B3GAT2: variants seen among roughly 807,000 people sequenced by gnomAD.
The protein encoded by B3GAT2 is beta-1,3-glucuronyltransferase 2.
B3GAT2 carries 26 observed loss-of-function variants against 27.8 expected under a neutral mutation model. That is an observed-to-expected ratio of 0.93 (90% CI 0.68 to 1.30). The LOEUF (loss-of-function observed/expected upper bound fraction) is 1.30, where lower values mean the gene tolerates loss of function less well. Ranked by LOEUF, B3GAT2 falls within the 50% of genes most tolerant of loss-of-function variation. The pLI is 0.00. For missense variants in B3GAT2, 458 were observed against 459.0 expected, an observed-to-expected ratio of 1.00 and a Z score of 0.02; for synonymous variants, 218 against 195.1, an observed-to-expected ratio of 1.12 and a Z score of -0.98.
intron 2 of B3GAT2, among the ~76,000 whole-genome samples, chr6:70,885,566 AGCACAGGT>A (rs1431769810): frequency 6.6e-6 from 1 of 152,106 alleles, no homozygotes; most frequent in Admixed American, 6.5e-5. Flanking sequence ...AATGATAATG[AGCACAGGT>A]CCACCCGCCA....
In B3GAT2 at chr6:70,856,837, C is replaced by T. The variant is rs1771445469; in HGVS notation, c.*4826G>A. 5.7e-6 allele frequency: 9 copies of T among 1,577,394 alleles called. No individual in the cohort carries two copies. The highest frequency in any genetic ancestry group is 6.0e-6 in the Non-Finnish European group (7 of 1,161,732). ...CGCTTTACTATGCAGAATTTGATAG[C>T]TTATTTTGGTGTTTGTCTCAGGGGA... On this transcript the variant is annotated 3_prime_UTR_variant, in exon 4 of 4. Transcript: ENST00000230053.
chr6:70,900,925 T>C (rs965584570), intron 1 of B3GAT2, among the ~76,000 whole-genome samples: 4 of 152,200 alleles, frequency 2.6e-5, no homozygotes, highest in African/African-American at 9.6e-5. Flanking sequence ...CTGTATCCTG[T>C]TTTTTTAAAC....
intron 1 of B3GAT2, among the ~76,000 whole-genome samples, chr6:70,908,789 A>T (rs1033958805): frequency 1.3e-5 from 2 of 152,192 alleles, no homozygotes; most frequent in Non-Finnish European, 2.9e-5. Context: ...GCAGGATAAA[A>T]TCTTATCTCT....
intron 1 of B3GAT2, among the ~76,000 whole-genome samples, chr6:70,946,759 C>T (rs972831433): frequency 6.6e-6 from 1 of 151,956 alleles, no homozygotes; most frequent in Non-Finnish European, 1.5e-5. Context: ...ACTCTCCACC[C>T]CAAATCAACA....
Position 70,873,945 on chromosome 6 carries a change from C to T in B3GAT2, c.737-11967G>A, listed in dbSNP as rs954502745. 3.8e-4 allele frequency among the ~76,000 whole-genome samples: 58 copies of T among 152,086 alleles called. 1 individual carries two copies. The highest frequency in any genetic ancestry group is 1.4e-3 in the African/African-American group (58 of 41,538). Reference sequence around the variant, plus strand: ...TTATTGATCTCTATTTGTGAGACATCATTCTCCCATTTTTCTTTAGCTATT... The same window carrying T: ...TTATTGATCTCTATTTGTGAGACATTATTCTCCCATTTTTCTTTAGCTATT... On this transcript the variant is annotated intron_variant, in intron 2 of 3. Transcript: ENST00000230053.
chr6:70,924,883 T>C (rs951323062), intron 1 of B3GAT2, among the ~76,000 whole-genome samples: 8 of 152,224 alleles, frequency 5.3e-5, no homozygotes, highest in African/African-American at 1.9e-4. Flanking sequence ...TACCAGTCAT[T>C]ATTCTGCAAA....
intron 2 of B3GAT2, among the ~76,000 whole-genome samples, chr6:70,885,281 C>T (rs1418433307): frequency 6.6e-6 from 1 of 152,052 alleles, no homozygotes; most frequent in Non-Finnish European, 1.5e-5. Context: ...ATAGACTCAC[C>T]TACAGGGGCA....
chr6:70,946,429 T>C (rs111604339), intron 1 of B3GAT2, among the ~76,000 whole-genome samples: 5 of 151,846 alleles, frequency 3.3e-5, no homozygotes, highest in African/African-American at 1.2e-4. Flanking sequence ...GGGGTTGCAA[T>C]CCTAGTCTCT....
At chr6:70,948,074 C>T (rs1012639261) in intron 1 of B3GAT2, among the ~76,000 whole-genome samples, 29 of 151,426 alleles carry the variant, frequency 1.9e-4, no homozygotes, top group African/African-American at 4.9e-4. Context: ...ATTGATGGGA[C>T]GTATCTCAAA....
At chr6:70,925,727 T>A (rs1219071334) in intron 1 of B3GAT2, among the ~76,000 whole-genome samples, 1 of 152,178 alleles carries the variant, frequency 6.6e-6, no homozygotes, top group African/African-American at 2.4e-5. Flanking sequence ...GGGCAGGGCA[T>A]AACTTAACAA....
chr6:70,928,825 A>G (rs1298645962), intron 1 of B3GAT2, among the ~76,000 whole-genome samples: 1 of 152,214 alleles, frequency 6.6e-6, no homozygotes, highest in Non-Finnish European at 1.5e-5. Context: ...ATCTAGAACT[A>G]GAAATACCAT....
intron 2 of B3GAT2, among the ~76,000 whole-genome samples, chr6:70,874,854 C>A (rs1447909490): frequency 6.6e-6 from 1 of 152,060 alleles, no homozygotes; most frequent in African/African-American, 2.4e-5. Context: ...CCCTGTTCTG[C>A]CCTTCTAGTA....
At chr6:70,875,115 G>T (rs1224299554) in intron 2 of B3GAT2, among the ~76,000 whole-genome samples, 1 of 151,820 alleles carries the variant, frequency 6.6e-6, no homozygotes, top group African/African-American at 2.4e-5. Context: ...TGTTTTTATG[G>T]ATGAGAATAT....
intron 1 of B3GAT2, among the ~76,000 whole-genome samples, chr6:70,936,352 A>G (rs572884278): frequency 6.6e-6 from 1 of 152,168 alleles, no homozygotes; most frequent in East Asian, 1.9e-4. Context: ...AACGAGACAG[A>G]AAGTTAACAA....
intron 1 of B3GAT2, among the ~76,000 whole-genome samples, chr6:70,922,788 C>G (rs2150042601): frequency 6.6e-6 from 1 of 151,518 alleles, no homozygotes; most frequent in Non-Finnish European, 1.5e-5. Context: ...AAAATTAAAC[C>G]AAAAATAAAG....
At chr6:70,923,839 T>A (rs1772910629) in intron 1 of B3GAT2, among the ~76,000 whole-genome samples, 2 of 152,236 alleles carry the variant, frequency 1.3e-5, no homozygotes, top group African/African-American at 4.8e-5. Context: ...TGGAATATGT[T>A]TTGGTTTCCA....
At chr6:70,909,410 C>T (rs1017699679) in intron 1 of B3GAT2, among the ~76,000 whole-genome samples, 10 of 152,112 alleles carry the variant, frequency 6.6e-5, no homozygotes, top group East Asian at 1.9e-4. Context: ...TTATTAATAT[C>T]AGACAAAGTA....
At chr6:70,955,380 A>C (rs954927410) in intron 1 of B3GAT2, among the ~76,000 whole-genome samples, 1 of 151,878 alleles carries the variant, frequency 6.6e-6, no homozygotes, top group Admixed American at 6.6e-5. Context: ...TAGGCACTGA[A>C]AAGCCTCGAG....
chr6:70,950,287 G>GC (rs1383651766), intron 1 of B3GAT2, among the ~76,000 whole-genome samples: 7 of 79,396 alleles, frequency 8.8e-5, no homozygotes, highest in African/African-American at 3.7e-4. Flanking sequence ...ACATTTTCTT[G>GC]CAAAAAAAAA....
Sources: allele counts gnomAD v4.1 joint callset (sites outside exome capture counted in the v4.1 genomes callset), GRCh38; gene constraint gnomAD v4.1.1; transcripts MANE v1.5; gene names NCBI Gene and HGNC (gene_info 2026-07-23, HGNC 2026-07-21).